Variants in ACTR3C observed in about 807,000 individuals in gnomAD.
ACTR3C encodes actin related protein 3C.
ACTR3C carries 18 observed loss-of-function variants against 26.3 expected under a neutral mutation model. The ratio of observed to expected loss-of-function variants is 0.68; its 90% CI spans 0.47 to 1.01. ACTR3C has a LOEUF of 1.01. ACTR3C is among the 50% of genes least tolerant of loss of function. The pLI is 0.00. For missense variants in ACTR3C, 184 were observed against 250.7 expected, an observed-to-expected ratio of 0.73 and a Z score of 1.80; for synonymous variants, 55 against 94.5, an observed-to-expected ratio of 0.58 and a Z score of 2.42.
At chr7:150,129,740 G>A in the ACTR3C span, among the ~76,000 whole-genome samples, 1 of 152,098 alleles carries the variant, frequency 6.6e-6, no homozygotes, top group African/African-American at 2.4e-5. Context: ...TACACTTAAT[G>A]TTACTAACAT....
downstream of ACTR3C, chr7:150,244,030 T>C (rs1253451030): frequency 2.0e-5 from 3 of 151,854 alleles, no homozygotes; most frequent in South Asian, 2.1e-4. Context: ...AGTACTCTCA[T>C]TGTATTCTTG....
At position 150,269,828 on chromosome 7, in the gene ACTR3C, C is replaced by CTAATGTTTCTCCCTAGTGCGCGGG. The variant is rs1269228877; in HGVS notation, c.564+14901_564+14924dup. On this transcript the variant is annotated intron_variant, in intron 6 of 7. Transcript: ENST00000683684. ...TAAGTCCTTGGACTCTGGTAACCTC[C>CTAATGTTTCTCCCTAGTGCGCGGG]TAATGTTTCTCCCTAGTGCGCGGGT... Among the ~76,000 whole-genome samples, 39 of 22,194 alleles carry CTAATGTTTCTCCCTAGTGCGCGGG rather than the reference C, an allele frequency of 1.8e-3. 1 individual carries two copies. Among genetic ancestry groups the CTAATGTTTCTCCCTAGTGCGCGGG allele is most frequent in the Middle Eastern group, 7.2e-3 (1 of 138 alleles). 14.6% of individuals were successfully genotyped at this position (22,194 alleles called of 152,430 possible).
downstream of ACTR3C, among the ~76,000 whole-genome samples, chr7:150,242,984 C>A (rs1832271395): frequency 2.0e-5 from 3 of 152,188 alleles, no homozygotes; most frequent in South Asian, 6.2e-4. Context: ...TGCAACTTGA[C>A]AGTGACACTT....
chr7:150,217,085 T>C, the ACTR3C span, among the ~76,000 whole-genome samples: 1 of 147,378 alleles, frequency 6.8e-6, no homozygotes, highest in African/African-American at 2.7e-5. Context: ...CCTCCCTGAT[T>C]TGGGGGCTCA....
the ACTR3C span, among the ~76,000 whole-genome samples, chr7:150,061,372 A>G: frequency 6.6e-6 from 1 of 151,772 alleles, no homozygotes. Flanking sequence ...AAGAAAACCC[A>G]GCTAATTTGT....
the ACTR3C span, among the ~76,000 whole-genome samples, chr7:150,019,764 G>C: frequency 6.6e-6 from 1 of 151,870 alleles, no homozygotes; most frequent in Non-Finnish European, 1.5e-5. Context: ...AGGCCAGGGG[G>C]CTGGACACCC....
chr7:150,111,099 T>C, the ACTR3C span, among the ~76,000 whole-genome samples: 1 of 148,338 alleles, frequency 6.7e-6, no homozygotes, highest in South Asian at 2.1e-4. Context: ...CTCCTACCTC[T>C]GCACCACACC....
the ACTR3C span, among the ~76,000 whole-genome samples, chr7:150,166,691 T>C: frequency 1.5e-4 from 23 of 149,202 alleles, no homozygotes; most frequent in East Asian, 4.4e-3. Context: ...AGAGTTAGAT[T>C]CCATTAAAAA....
the ACTR3C span, among the ~76,000 whole-genome samples, chr7:150,057,802 G>A: frequency 2.0e-5 from 3 of 152,110 alleles, no homozygotes; most frequent in Non-Finnish European, 4.4e-5. Context: ...CCCAACTCTT[G>A]GTTTCTACCC....
At chr7:150,216,722 C>T in the ACTR3C span, among the ~76,000 whole-genome samples, 4 of 151,984 alleles carry the variant, frequency 2.6e-5, no homozygotes, top group Non-Finnish European at 5.9e-5. Context: ...CACGGTGGCT[C>T]ACGCCTGTAA....
At chr7:150,129,065 G>T in the ACTR3C span, among the ~76,000 whole-genome samples, 5 of 151,460 alleles carry the variant, frequency 3.3e-5, no homozygotes, top group Admixed American at 6.6e-5. Context: ...CTAGAGACCT[G>T]CAGCACAGTC....
At chr7:150,222,372 C>T in the ACTR3C span, among the ~76,000 whole-genome samples, 3 of 152,314 alleles carry the variant, frequency 2.0e-5, no homozygotes, top group East Asian at 5.8e-4. Context: ...ATAGCTGCAC[C>T]TTTCCACGTG....
chr7:150,101,874 C>G, the ACTR3C span, among the ~76,000 whole-genome samples: 1 of 151,714 alleles, frequency 6.6e-6, no homozygotes, highest in African/African-American at 2.4e-5. Context: ...GTACATTCTT[C>G]ATAGACTCAT....
chr7:150,158,747 C>G, the ACTR3C span, among the ~76,000 whole-genome samples: 1 of 152,154 alleles, frequency 6.6e-6, no homozygotes, highest in Non-Finnish European at 1.5e-5. Flanking sequence ...GTATTGTGTA[C>G]TTGGAATTTG....
At chr7:149,932,762 G>C in the ACTR3C span, among the ~76,000 whole-genome samples, 2 of 151,290 alleles carry the variant, frequency 1.3e-5, no homozygotes, top group Non-Finnish European at 3.0e-5. Context: ...GACAGGGCAG[G>C]GCAGGGCAGG....
chr7:150,180,236 C>T, the ACTR3C span, among the ~76,000 whole-genome samples: 286 of 149,808 alleles, frequency 1.9e-3, 2 homozygotes, highest in Non-Finnish European at 3.5e-3. Context: ...ACCCGGGAGG[C>T]GGAGCTTGCA....
At chr7:150,221,998 C>CAAAAAAAAAAAAAAAAA in the ACTR3C span, among the ~76,000 whole-genome samples, 10 of 79,794 alleles carry the variant, frequency 1.3e-4, no homozygotes, top group African/African-American at 6.9e-4. Context: ...ACTCCGTCTC[C>CAAAAAAAAAAAAAAAAA]AAAAAAAAAA....
At chr7:149,937,426 G>T in the ACTR3C span, among the ~76,000 whole-genome samples, 4 of 151,722 alleles carry the variant, frequency 2.6e-5, no homozygotes, top group African/African-American at 9.7e-5. Flanking sequence ...CAAGATGAAA[G>T]ACTTCCATTT....
chr7:150,304,453 CAG>C (rs1795653868), intron 1 of ACTR3C, among the ~76,000 whole-genome samples: 1 of 152,128 alleles, frequency 6.6e-6, no homozygotes, highest in Non-Finnish European at 1.5e-5. Flanking sequence ...TTTTAGTAAT[CAG>C]AGTTAATTTT....
Sources: gnomAD v4.1 joint callset for allele counts (sites outside exome capture counted in the v4.1 genomes callset) on GRCh38, gnomAD v4.1.1 for gene constraint, MANE v1.5 for transcripts, NCBI Gene and HGNC (gene_info 2026-07-23, HGNC 2026-07-21) for gene names.